The following KL variants were observed in gnomAD, a reference collection of about 807,000 sequenced individuals.
KL encodes the protein klotho.
KL carries 62 observed loss-of-function variants against 84.2 expected under a neutral mutation model. The ratio of observed to expected loss-of-function variants is 0.74; its 90% CI spans 0.60 to 0.91. The LOEUF is 0.91. KL is among the 40% of genes least tolerant of loss of function. KL has a pLI of 0.00. For synonymous variants in KL, 528 were observed against 528.0 expected (o/e 1.00, Z 0.00); for missense variants, 1,261 against 1,305.7 (o/e 0.97, Z 0.53).
chr13:33,046,734 T>A (rs1476586542), intron 1 of KL, among the ~76,000 whole-genome samples: 2 of 140,880 alleles, frequency 1.4e-5, no homozygotes, highest in African/African-American at 5.1e-5. Flanking sequence ...GACTAAGTTA[T>A]TGAGATATAT....
intron 1 of KL, among the ~76,000 whole-genome samples, chr13:33,028,578 G>A (rs1424412384): frequency 1.3e-5 from 2 of 152,116 alleles, no homozygotes; most frequent in African/African-American, 4.8e-5. Context: ...AGTGCAGAAT[G>A]GGGGAGATTC....
intron 1 of KL, among the ~76,000 whole-genome samples, chr13:33,040,412 C>T (rs1214813649): frequency 6.6e-6 from 1 of 152,182 alleles, no homozygotes; most frequent in African/African-American, 2.4e-5. Context: ...AAATAAATCT[C>T]TAGTGCCTTC....
In KL at chr13:33,054,310, C is replaced by A. The variant is rs1409990789; in HGVS notation, c.1330+33C>A. On this transcript the variant is annotated intron_variant, in intron 2 of 4. Coordinates refer to ENST00000380099, the MANE Select transcript of KL (RefSeq NM_004795.4). The stretch of plus-strand genomic sequence containing the variant: ...TGTGGGTAAAGTTCTCATTTCCTGC[C>A]AAAATCTTCTGGAAAAAAATCTCTA... 2.5e-5 allele frequency: 40 copies of A among 1,599,990 alleles called. 1 individual carries two copies. In the South Asian group the frequency reaches 4.2e-4, roughly 17 times the overall value.
In KL at chr13:33,063,932, C is replaced by A. The variant is rs577401687; in HGVS notation, c.2785C>A (p.Arg929Ser). The change falls in exon 5 of 5, where the codon CGT (arginine) becomes AGT (serine). Residue 929 changes from arginine (R) to serine (S), a missense_variant. Arg to Ser is a moderately radical substitution (Grantham distance 110, BLOSUM62 -1). Transcript: ENST00000380099. ...DRTAPRFGLY[R>S]YAADQFEPKA... The stretch of plus-strand genomic sequence containing the variant: ...CACAGCTCCGAGGTTTGGCCTCTAT[C>A]GTTATGCTGCAGATCAGTTTGAGCC... The A allele has an allele frequency of 6.2e-7, 1 of 1,614,150 alleles. No individual in the cohort carries two copies. The highest frequency in any genetic ancestry group is 1.7e-5 in the Admixed American group (1 of 60,024).
At chr13:33,040,350 A>G (rs949459979) in intron 1 of KL, among the ~76,000 whole-genome samples, 1 of 152,228 alleles carries the variant, frequency 6.6e-6, no homozygotes, top group African/African-American at 2.4e-5. Flanking sequence ...AGACAATGTA[A>G]TCCCAATACT....
At position 33,061,106 on chromosome 13, in the gene KL, A is replaced by C. The variant is rs1326600300; in HGVS notation, c.2027A>C (p.Glu676Ala). Residue 676 changes from glutamate to alanine, a missense_variant, in exon 4 of 5, where the codon GAG becomes GCG. Physicochemically the swap from Glu to Ala is moderately radical, Grantham distance 107 (BLOSUM62 -1). Transcript: ENST00000380099. ...FAEYARLCFQ[E>A]LGHHVKLWIT... The stretch of plus-strand genomic sequence containing the variant: ...GAGTATGCCCGACTGTGCTTTCAAG[A>C]GCTCGGCCATCACGTCAAGCTTTGG... The C allele has an allele frequency of 6.2e-7, 1 of 1,613,866 alleles. No homozygotes were observed.
At chr13:33,038,708 A>C (rs1394642934) in intron 1 of KL, among the ~76,000 whole-genome samples, 1 of 152,218 alleles carries the variant, frequency 6.6e-6, no homozygotes. Context: ...GAAAGGTATA[A>C]CAATAGGAAA....
At chr13:33,032,524 A>G (rs1487563198) in intron 1 of KL, among the ~76,000 whole-genome samples, 2 of 152,132 alleles carry the variant, frequency 1.3e-5, no homozygotes, top group Non-Finnish European at 2.9e-5. Flanking sequence ...GTACATGGAA[A>G]CTAGCTTCCC....
At chr13:33,052,163 C>T (rs145046014) in intron 1 of KL, among the ~76,000 whole-genome samples, 338 of 152,186 alleles carry the variant, frequency 2.2e-3, no homozygotes, top group African/African-American at 7.9e-3. Flanking sequence ...TCACTCTTTG[C>T]GCAGGCTAGT....
intron 3 of KL, among the ~76,000 whole-genome samples, chr13:33,056,016 G>T (rs1337264211): frequency 1.3e-5 from 2 of 152,178 alleles, no homozygotes; most frequent in Non-Finnish European, 2.9e-5. Flanking sequence ...TGTGTTAGTT[G>T]CTCGGGTCGC....
chr13:33,035,979 G>A (rs1289214963), intron 1 of KL, among the ~76,000 whole-genome samples: 2 of 152,100 alleles, frequency 1.3e-5, no homozygotes, highest in African/African-American at 4.8e-5. Context: ...AAATAAATAA[G>A]CCCTTTATTG....
chr13:33,043,941 G>T (rs1871430360), intron 1 of KL, among the ~76,000 whole-genome samples: 1 of 151,940 alleles, frequency 6.6e-6, no homozygotes, highest in Non-Finnish European at 1.5e-5. Flanking sequence ...CCAAGATAAA[G>T]AGACTATTCT....
intron 1 of KL, 149 bp from the exon 2 acceptor site, chr13:33,053,618 A>T: frequency 1.3e-6 from 1 of 741,844 alleles, no homozygotes; most frequent in Non-Finnish European, 2.2e-6. Context: ...CCTTTGAAAT[A>T]ATGTATTGGT....
At chr13:33,058,760 A>C (rs376875619) in intron 3 of KL, among the ~76,000 whole-genome samples, 2 of 152,328 alleles carry the variant, frequency 1.3e-5, no homozygotes, top group East Asian at 3.9e-4. Context: ...TTAAAAAAAA[A>C]AGTTATGAAT....
At chr13:33,063,403 A>G (rs955977275) in intron 4 of KL, among the ~76,000 whole-genome samples, 5 of 152,216 alleles carry the variant, frequency 3.3e-5, no homozygotes, top group Middle Eastern at 6.8e-3. Context: ...TTTACATAAA[A>G]TAAAGCCTTT....
At chr13:33,057,701 G>A (rs1279833072) in intron 3 of KL, among the ~76,000 whole-genome samples, 1 of 152,114 alleles carries the variant, frequency 6.6e-6, no homozygotes, top group Non-Finnish European at 1.5e-5. Flanking sequence ...CTCCCTGGTG[G>A]GGAAAGGCTG....
chr13:33,062,769 C>G (rs1872258416), intron 4 of KL, among the ~76,000 whole-genome samples: 1 of 150,294 alleles, frequency 6.7e-6, no homozygotes, highest in Admixed American at 6.6e-5. Context: ...CAGGTTTGTT[C>G]TCTCTGTGTA....
chr13:33,042,899 C>A (rs1051297822), intron 1 of KL, among the ~76,000 whole-genome samples: 5 of 152,124 alleles, frequency 3.3e-5, no homozygotes, highest in African/African-American at 4.8e-5. Context: ...TCAGGCTGGT[C>A]TCGAAGTCCT....
At chr13:33,060,607 CT>C (rs1872138695) in intron 3 of KL, 71 bp from the exon 4 acceptor site, 5 of 1,568,690 alleles carry the variant, frequency 3.2e-6, no homozygotes, top group Non-Finnish European at 4.4e-6. Flanking sequence ...GCTAGTTTTG[CT>C]GAAATAATTG....
Sources: allele counts gnomAD v4.1 joint callset (sites outside exome capture counted in the v4.1 genomes callset), GRCh38; gene constraint gnomAD v4.1.1; transcripts MANE v1.5; gene names NCBI Gene and HGNC (gene_info 2026-07-23, HGNC 2026-07-21).